The following POC1B variants were observed in gnomAD, a reference collection of about 807,000 sequenced individuals.
The protein encoded by POC1B is POC1 centriolar protein homolog B.
POC1B carries 44 observed loss-of-function variants against 60.6 expected under a neutral mutation model. The observed-to-expected ratio is 0.73, with a 90% confidence interval of 0.57 to 0.93. POC1B has a LOEUF of 0.93. Among genes scored for constraint, POC1B ranks in the 40% least tolerant of loss-of-function variants. The pLI, the probability that POC1B is intolerant of heterozygous loss-of-function variation, is 0.00. For synonymous variants in POC1B, 180 were observed against 198.9 expected (o/e 0.90, Z 0.80); for missense variants, 555 against 572.3 (o/e 0.97, Z 0.31).
At chr12:89,432,719 T>G (rs1881090106) in intron 10 of POC1B, among the ~76,000 whole-genome samples, 1 of 152,202 alleles carries the variant, frequency 6.6e-6, no homozygotes, top group African/African-American at 2.4e-5. Context: ...AGAATAAATT[T>G]TGGACGTGTT....
intron 10 of POC1B, among the ~76,000 whole-genome samples, chr12:89,430,720 T>C (rs1880994246): frequency 6.6e-6 from 1 of 152,164 alleles, no homozygotes; most frequent in Non-Finnish European, 1.5e-5. Context: ...TGTGTTTACA[T>C]ATCCGTATTC....
the POC1B span, among the ~76,000 whole-genome samples, chr12:89,405,105 A>C: frequency 6.6e-6 from 1 of 152,156 alleles, no homozygotes; most frequent in Non-Finnish European, 1.5e-5. Context: ...ATGATCAAAC[A>C]TTTTTCTACC....
chr12:89,471,626 G>C lies in POC1B; in HGVS notation c.664C>G (p.Gln222Glu), dbSNP rs549861827. ...GGAAAATTGTTACCTTGGTAATGCT[G>C]TAGTAATTTGTTCACTCTTACATCC... ...VWDVRVNKLL[Q>E]HYQVHSGGVN... The change falls in exon 6 of 12, where the codon CAG (glutamine) becomes GAG (glutamate). Residue 222 changes from glutamine (Q) to glutamate (E), a missense_variant. Physicochemically the swap from Gln to Glu is conservative, Grantham distance 29. Transcript: ENST00000313546. 1 of 1,608,504 alleles carries C rather than the reference G, an allele frequency of 6.2e-7. No individual in the cohort carries two copies. Among genetic ancestry groups the C allele is most frequent in the East Asian group, 2.2e-5 (1 of 44,762 alleles).
intron 11 of POC1B, among the ~76,000 whole-genome samples, chr12:89,424,307 G>A (rs891970707): frequency 2.6e-5 from 4 of 152,206 alleles, no homozygotes; most frequent in Non-Finnish European, 5.9e-5. Context: ...ACTCTCTGGA[G>A]GTGAAAACCA....
At chr12:89,480,462 C>A (rs1325449364) in intron 4 of POC1B, among the ~76,000 whole-genome samples, 1 of 151,474 alleles carries the variant, frequency 6.6e-6, no homozygotes, top group East Asian at 1.9e-4. Flanking sequence ...CACTCTGCTG[C>A]CAGTCTGGAG....
chr12:89,521,961 T>C, intron 2 of POC1B: 1 of 398,994 alleles, frequency 2.5e-6, no homozygotes, highest in Non-Finnish European at 4.4e-6. Context: ...TTACTTTAAA[T>C]GATTAAGCAT....
downstream of POC1B, among the ~76,000 whole-genome samples, chr12:89,416,164 T>C (rs1880360790): frequency 6.6e-6 from 1 of 152,042 alleles, no homozygotes; most frequent in South Asian, 2.1e-4. Flanking sequence ...GCCTTTTGGG[T>C]AGGTTAAGTC....
At chr12:89,482,305 T>C (rs1483430503) in intron 4 of POC1B, among the ~76,000 whole-genome samples, 1 of 151,002 alleles carries the variant, frequency 6.6e-6, no homozygotes, top group Non-Finnish European at 1.5e-5. Flanking sequence ...GGAGAAAAAA[T>C]GGAAAAATAT....
intron 2 of POC1B, among the ~76,000 whole-genome samples, chr12:89,514,184 G>C (rs891255951): frequency 2.6e-5 from 4 of 151,976 alleles, no homozygotes; most frequent in Non-Finnish European, 4.4e-5. Context: ...TCGTGATAGT[G>C]AGTGAGTTCT....
intron 2 of POC1B, among the ~76,000 whole-genome samples, chr12:89,511,647 A>G (rs1870193172): frequency 1.3e-5 from 2 of 152,184 alleles, no homozygotes; most frequent in South Asian, 4.1e-4. Flanking sequence ...AAGAAACACC[A>G]GACTGCTTTA....
rs146275784 is a variant in POC1B, at chr12:89,437,886, A to G, written c.1114-12507T>C. On this transcript the variant is annotated intron_variant, in intron 10 of 11. Transcript: ENST00000313546. ...AACATGGTGAAACCCCATCTCGACT[A>G]AAAATACAAAAATTAGCAGGGAGTG... 2.6e-3 allele frequency among the ~76,000 whole-genome samples: 389 copies of G among 151,576 alleles called. 1 individual carries two copies. The highest frequency in any genetic ancestry group is 8.9e-3 in the African/African-American group (368 of 41,316).
At chr12:89,451,778 C>T (rs1304665954) in intron 10 of POC1B, among the ~76,000 whole-genome samples, 1 of 152,112 alleles carries the variant, frequency 6.6e-6, no homozygotes, top group Non-Finnish European at 1.5e-5. Flanking sequence ...TGTCAAGTGG[C>T]AAAATAAAGG....
At chr12:89,431,462 TG>T (rs1881028137) in intron 10 of POC1B, among the ~76,000 whole-genome samples, 1 of 151,540 alleles carries the variant, frequency 6.6e-6, no homozygotes, top group Non-Finnish European at 1.5e-5. Flanking sequence ...CACACGCACA[TG>T]CACACACACA....
At position 89,425,267 on chromosome 12, in the gene POC1B, T is replaced by C; in HGVS notation, c.1226A>G (p.Lys409Arg). The C allele has an allele frequency of 1.2e-6, 2 of 1,614,174 alleles. No individual in the cohort carries two copies. The highest frequency in any genetic ancestry group is 1.7e-6 in the Non-Finnish European group (2 of 1,180,028). Residue 409 changes from lysine (K) to arginine (R), a missense_variant, in exon 11 of 12, where the codon AAA becomes AGA. Coordinates refer to ENST00000313546, the MANE Select transcript of POC1B (RefSeq NM_172240.3). ...GGGGAGGTCACTCATGTCTTCTGTT[T>C]TCTTTTTCGTGGTTGTTGGCAAACA... Reference protein sequence around the residue: ...PECLPTTTKKKTEDMSDLPCE... With the variant: ...PECLPTTTKKRTEDMSDLPCE...
In POC1B at chr12:89,497,345, A is replaced by G. The variant is rs750116711; in HGVS notation, c.101-3T>C. The G allele has an allele frequency of 3.7e-6, 6 of 1,609,624 alleles. No individual in the cohort carries two copies. The highest frequency in any genetic ancestry group is 5.1e-6 in the Non-Finnish European group (6 of 1,178,090). ...AAAGGTATCCCAAGAAGCAGTAGCT[A>G]TCAAGAAATAGAAGAACAAAACCAC... On this transcript the variant is annotated splice_region_variant and splice_polypyrimidine_tract_variant and intron_variant, in intron 2 of 11. Transcript: ENST00000313546.
In POC1B at chr12:89,521,973, A is replaced by T. The variant is rs536106477; in HGVS notation, c.100+3147T>A. ...TGTTTACTTTAAATGATTAAGCATT[A>T]ACAAAGGGAGGCATAGTATTCTGGA... is the stretch of plus-strand genomic sequence containing the variant. On this transcript the variant is annotated intron_variant, in intron 2 of 11. Transcript: ENST00000313546. 1.5e-5 allele frequency: 6 copies of T among 399,006 alleles called. No individual in the cohort carries two copies. In the South Asian group the frequency reaches 5.1e-4, roughly 34 times the overall value. 24.7% of individuals were successfully genotyped at this position (399,006 alleles called of 1,614,324 possible).
At chr12:89,466,648 AAGTGCTGCTGTTTTAAGGC>A in intron 9 of POC1B, 103 bp downstream of exon 9, 1 of 897,882 alleles carries the variant, frequency 1.1e-6, no homozygotes, top group African/African-American at 1.7e-5. Flanking sequence ...CTGTTTATCA[AAGTGCTGCTGTTTTAAGGC>A]AGCACTAGGT....
chr12:89,448,202 G>A (rs897423064), intron 10 of POC1B, among the ~76,000 whole-genome samples: 2 of 152,118 alleles, frequency 1.3e-5, no homozygotes, highest in African/African-American at 4.8e-5. Context: ...TCCTTTGGGA[G>A]GCTGAAGCTG....
chr12:89,450,969 G>C (rs1882018125), intron 10 of POC1B, among the ~76,000 whole-genome samples: 1 of 152,190 alleles, frequency 6.6e-6, no homozygotes, highest in African/African-American at 2.4e-5. Context: ...AGGGAGCTCT[G>C]AGGTAAGCAG....
Sources: gnomAD v4.1 joint callset for allele counts (sites outside exome capture counted in the v4.1 genomes callset) on GRCh38, gnomAD v4.1.1 for gene constraint, MANE v1.5 for transcripts, NCBI Gene and HGNC (gene_info 2026-07-23, HGNC 2026-07-21) for gene names.